The following CTNND2 variants were observed in gnomAD, a reference collection of about 807,000 sequenced individuals.
The protein encoded by CTNND2 is catenin delta-2.
A neutral mutation model predicts 144.4 loss-of-function variants in CTNND2; 22 were observed. That is an observed-to-expected ratio of 0.15 (90% CI 0.11 to 0.22). The LOEUF (loss-of-function observed/expected upper bound fraction) is 0.22. CTNND2 is among the 10% of genes least tolerant of loss of function. The pLI is 1.00. For synonymous variants in CTNND2, 751 were observed against 695.6 expected (o/e 1.08, Z -1.25); for missense variants, 1,353 against 1,618.8 (o/e 0.84, Z 2.82).
chr5:11,593,681 C>A (rs193234984), intron 2 of CTNND2, among the ~76,000 whole-genome samples: 30 of 152,324 alleles, frequency 2.0e-4, no homozygotes, highest in African/African-American at 7.0e-4. Context: ...TAAGACGTGT[C>A]TTTGTTCCTC....
At chr5:11,047,476 C>T (rs969088821) in intron 16 of CTNND2, among the ~76,000 whole-genome samples, 1 of 152,158 alleles carries the variant, frequency 6.6e-6, no homozygotes, top group Non-Finnish European at 1.5e-5. Context: ...GAGAGAGGGA[C>T]AGGATATGTG....
intron 5 of CTNND2, among the ~76,000 whole-genome samples, chr5:11,406,769 T>C (rs1246231335): frequency 6.6e-6 from 1 of 152,022 alleles, no homozygotes; most frequent in Non-Finnish European, 1.5e-5. Flanking sequence ...ACATATACGA[T>C]TGATTCCTGA....
chr5:11,016,321 A>T (rs1418975918), intron 18 of CTNND2, among the ~76,000 whole-genome samples: 2 of 152,240 alleles, frequency 1.3e-5, no homozygotes, highest in South Asian at 4.1e-4. Context: ...AGAAATATAT[A>T]GGCTACACTT....
chr5:11,008,866 T>C (rs559066499), intron 18 of CTNND2, among the ~76,000 whole-genome samples: 40 of 152,144 alleles, frequency 2.6e-4, no homozygotes, highest in Non-Finnish European at 4.6e-4. Context: ...ACCTTCACCA[T>C]GAGCTCCCTG....
At chr5:11,160,013 G>C (rs980295075) in intron 11 of CTNND2, among the ~76,000 whole-genome samples, 2 of 152,180 alleles carry the variant, frequency 1.3e-5, no homozygotes, top group African/African-American at 4.8e-5. Flanking sequence ...TCAAGGTTGC[G>C]AGGTCTGATT....
In CTNND2 at chr5:11,671,509, A is replaced by G. The variant is rs1443966993; in HGVS notation, c.174+60627T>C. 2.0e-5 allele frequency among the ~76,000 whole-genome samples: 3 copies of G among 151,314 alleles called. No individual in the cohort carries two copies. In the East Asian group the frequency reaches 5.9e-4, roughly 30 times the overall value. On this transcript the variant is annotated intron_variant, in intron 2 of 21. Transcript: ENST00000304623. ...CTTTTTTCTCTAATCTTGTCTTCTC[A>G]CTTTATTTCATTGAAATGATCTTCA...
chr5:11,638,413 T>C (rs1581647292), intron 2 of CTNND2, among the ~76,000 whole-genome samples: 1 of 152,374 alleles, frequency 6.6e-6, no homozygotes, highest in East Asian at 1.9e-4. Flanking sequence ...TAACTGGTAC[T>C]GCAGTAATAG....
At chr5:11,230,051 T>C (rs1288703752) in intron 10 of CTNND2, among the ~76,000 whole-genome samples, 1 of 151,740 alleles carries the variant, frequency 6.6e-6, no homozygotes. Flanking sequence ...AAAGGATTCA[T>C]TAAAAATCCG....
At chr5:11,377,947 T>A (rs1758101734) in intron 7 of CTNND2, among the ~76,000 whole-genome samples, 1 of 152,206 alleles carries the variant, frequency 6.6e-6, no homozygotes. Context: ...GGCAGATGAA[T>A]GCTATTAGAC....
chr5:11,259,499 C>T (rs1427451130), intron 9 of CTNND2, among the ~76,000 whole-genome samples: 6 of 152,224 alleles, frequency 3.9e-5, no homozygotes, highest in African/African-American at 1.4e-4. Flanking sequence ...TGACATCTCA[C>T]TGCATGCTCA....
chr5:11,665,920 T>A (rs1261079201), intron 2 of CTNND2, among the ~76,000 whole-genome samples: 1 of 152,204 alleles, frequency 6.6e-6, no homozygotes, highest in Non-Finnish European at 1.5e-5. Context: ...ACAAAATGCA[T>A]CATATTTTTC....
chr5:11,624,136 TA>T (rs1478013824), intron 2 of CTNND2, among the ~76,000 whole-genome samples: 1 of 152,012 alleles, frequency 6.6e-6, no homozygotes, highest in African/African-American at 2.4e-5. Context: ...TAAGGGCATG[TA>T]AACTCCCATG....
chr5:11,521,374 C>T (rs1169751526), intron 3 of CTNND2, among the ~76,000 whole-genome samples: 1 of 152,152 alleles, frequency 6.6e-6, no homozygotes, highest in Admixed American at 6.5e-5. Flanking sequence ...CTTTTCCCAT[C>T]ATCATTCTCA....
intron 9 of CTNND2, among the ~76,000 whole-genome samples, chr5:11,301,397 G>C (rs1165119965): frequency 6.6e-6 from 1 of 152,024 alleles, no homozygotes; most frequent in African/African-American, 2.4e-5. Flanking sequence ...AAATGAACTA[G>C]GGAAAAAACA....
chr5:11,004,936 A>G (rs1740328773), intron 18 of CTNND2, among the ~76,000 whole-genome samples: 1 of 152,218 alleles, frequency 6.6e-6, no homozygotes, highest in South Asian at 2.1e-4. Flanking sequence ...GGGCAAGAAA[A>G]GAGAGACTGG....
At chr5:11,325,594 A>G (rs1752445556) in intron 9 of CTNND2, among the ~76,000 whole-genome samples, 1 of 151,946 alleles carries the variant, frequency 6.6e-6, no homozygotes, top group South Asian at 2.1e-4. Flanking sequence ...CAATCTCTAA[A>G]CCTAAGATAA....
Position 11,779,098 on chromosome 5 carries a change from C to T in CTNND2, c.38-46826G>A, listed in dbSNP as rs73047185. 3.8e-3 allele frequency among the ~76,000 whole-genome samples: 586 copies of T among 152,280 alleles called. 5 individuals carry two copies. Among genetic ancestry groups the T allele is most frequent in the African/African-American group, 0.013 (549 of 41,564 alleles). On this transcript the variant is annotated intron_variant, in intron 1 of 21. Transcript: ENST00000304623. ...TAAGCCTCTGGTCAGAAGGCCACAG[C>T]GTCCTCATGCATGACGCATGGTGTA...
chr5:11,402,177 A>C (rs532745945), intron 5 of CTNND2, among the ~76,000 whole-genome samples: 6 of 152,206 alleles, frequency 3.9e-5, no homozygotes, highest in Non-Finnish European at 7.3e-5. Flanking sequence ...AGGAGCTAAA[A>C]TCTTTTGGCA....
At chr5:11,484,148 T>C (rs1768571303) in intron 3 of CTNND2, among the ~76,000 whole-genome samples, 1 of 152,198 alleles carries the variant, frequency 6.6e-6, no homozygotes, top group Non-Finnish European at 1.5e-5. Context: ...CATGTGTCCT[T>C]AACTATGACT....
Sources: allele counts gnomAD v4.1 joint callset (sites outside exome capture counted in the v4.1 genomes callset), GRCh38; gene constraint gnomAD v4.1.1; transcripts MANE v1.5; gene names NCBI Gene and HGNC (gene_info 2026-07-23, HGNC 2026-07-21).